Variants in YEATS2 observed in about 807,000 individuals in gnomAD.
YEATS2 encodes YEATS domain containing 2, also known as YEATS domain-containing protein 2.
A neutral mutation model predicts 163.2 loss-of-function variants in YEATS2; 77 were observed. That is an observed-to-expected ratio of 0.47 (90% CI 0.39 to 0.57). The LOEUF is 0.57. Ranked by LOEUF, YEATS2 falls within the 20% of genes least tolerant of loss-of-function variation. The probability of loss-of-function intolerance (pLI) is 0.00; values close to 1 mark genes in which losing one functional copy is unlikely to be tolerated. For missense variants in YEATS2, 1,549 were observed against 1,729.8 expected (o/e 0.90, Z 1.85); for synonymous variants, 631 against 645.1 (o/e 0.98, Z 0.33).
chr3:183,785,488 C>CAAAAAAAAAAAAAAAAAAAAAAAAAAA (rs146941322), intron 19 of YEATS2, among the ~76,000 whole-genome samples: 1 of 52,252 alleles, frequency 1.9e-5, no homozygotes. Flanking sequence ...GACTCTGTCT[C>CAAAAAAAAAAAAAAAAAAAAAAAAAAA]AAAAAAAAAA....
At position 183,763,064 on chromosome 3, in the gene YEATS2, T is replaced by G. The variant is rs560454724; in HGVS notation, c.1947+785T>G. 3.7e-3 allele frequency among the ~76,000 whole-genome samples: 265 copies of G among 72,446 alleles called. 3 individuals are homozygous for G. The Admixed American group carries it at 0.041, about 11-fold the overall frequency. The allele number at this position is 72,446 out of a possible 152,430, so 47.5% of individuals were successfully genotyped here. A position where few individuals can be genotyped will look rare whatever the true frequency, so the allele number is the denominator to read the frequency against. On this transcript the variant is annotated intron_variant, in intron 15 of 30. Coordinates refer to ENST00000305135, the MANE Select transcript of YEATS2 (RefSeq NM_018023.5). Reference sequence around the variant, plus strand: ...AGACTCTGTCTCAAAAAAATAAAAATTAAAAAATTAAAAAAAAAAATAGCA... The same window carrying G: ...AGACTCTGTCTCAAAAAAATAAAAAGTAAAAAATTAAAAAAAAAAATAGCA...
In YEATS2 at chr3:183,729,470, G is replaced by A. The variant is rs985567819; in HGVS notation, c.812+619G>A. Among the ~76,000 whole-genome samples, 13 of 152,226 alleles carry A rather than the reference G, an allele frequency of 8.5e-5. No homozygotes were observed. In the East Asian group the frequency reaches 1.9e-3, roughly 23 times the overall value. The stretch of plus-strand genomic sequence containing the variant: ...TTTTTATGAATATCAGAATGTAACA[G>A]AATTAAATATAGTATTCTAACATGG... On this transcript the variant is annotated intron_variant, in intron 7 of 30. Transcript: ENST00000305135.
intron 8 of YEATS2, among the ~76,000 whole-genome samples, chr3:183,738,852 G>A (rs1404256260): frequency 7.4e-6 from 1 of 135,506 alleles, no homozygotes; most frequent in Non-Finnish European, 1.6e-5. Flanking sequence ...GAATAATGCC[G>A]CAATAAACAT....
intron 15 of YEATS2, among the ~76,000 whole-genome samples, chr3:183,770,787 C>G (rs1213126745): frequency 6.6e-6 from 1 of 152,156 alleles, no homozygotes; most frequent in Non-Finnish European, 1.5e-5. Context: ...TCCCTTTTCG[C>G]TTTCTTATTT....
At chr3:183,755,741 C>CT (rs57050296) in intron 11 of YEATS2, among the ~76,000 whole-genome samples, 1,817 of 81,916 alleles carry the variant, frequency 0.022, 140 homozygotes, top group Non-Finnish European at 0.025. Context: ...TCCTTCCTTT[C>CT]TTTTTTTTTT....
chr3:183,773,930 G>C, intron 17 of YEATS2, 136 bp downstream of exon 17: 1 of 1,094,214 alleles, frequency 9.1e-7, no homozygotes, highest in South Asian at 2.1e-5. Flanking sequence ...GGTAGCATTT[G>C]CTCAGATGGA....
rs536161457 is a variant in YEATS2, at chr3:183,740,328, A to G, written c.924+3499A>G. 1.3e-3 allele frequency among the ~76,000 whole-genome samples: 193 copies of G among 152,316 alleles called. 2 individuals carry two copies. The highest frequency in any genetic ancestry group is 4.5e-3 in the African/African-American group (187 of 41,564). ...AGACACTTCTCAAAAGAAGACATTT[A>G]TGCAGCCAAAAAACACATGAAAAAA... On this transcript the variant is annotated intron_variant, in intron 8 of 30. Transcript: ENST00000305135.
At chr3:183,705,912 C>T (rs1003159124) in intron 1 of YEATS2, among the ~76,000 whole-genome samples, 4 of 151,764 alleles carry the variant, frequency 2.6e-5, no homozygotes, top group Non-Finnish European at 5.9e-5. Flanking sequence ...TGGTGGCGGG[C>T]GCCTGTAGTC....
At chr3:183,772,897 A>C (rs983556059) in intron 16 of YEATS2, among the ~76,000 whole-genome samples, 1 of 152,138 alleles carries the variant, frequency 6.6e-6, no homozygotes. Flanking sequence ...CCTGTGTAAA[A>C]TGCTGTACTG....
chr3:183,782,967 T>G (rs1338679105), intron 19 of YEATS2, among the ~76,000 whole-genome samples: 1 of 152,258 alleles, frequency 6.6e-6, no homozygotes, highest in Non-Finnish European at 1.5e-5. Flanking sequence ...AAGTCTGATT[T>G]GCTCTACATC....
rs148923658 is a variant in YEATS2 at position 183,810,431 on chromosome 3, G to A, written c.4161-44G>A. On this transcript the variant is annotated intron_variant, in intron 30 of 30. Transcript: ENST00000305135. ...TAAGTGAATAAATGATGAGATATAC[G>A]TGAGAGAATTTCACCTGGTAACACC... 1.1e-4 allele frequency: 173 copies of A among 1,524,500 alleles called. 1 individual carries two copies. The African/African-American group carries it at 1.7e-3, about 15-fold the overall frequency. The allele number at this position is 1,524,500 out of a possible 1,614,324, so 94.4% of individuals were successfully genotyped here. A position where few individuals can be genotyped will look rare whatever the true frequency, so the allele number is the denominator to read the frequency against.
intron 12 of YEATS2, 61 bp from the exon 13 acceptor site, chr3:183,758,801 T>C: frequency 8.4e-7 from 1 of 1,194,784 alleles, no homozygotes; most frequent in South Asian, 1.4e-5. Context: ...GTAGAAATGC[T>C]TTAAAATTAC....
chr3:183,708,695 C>T (rs895417079), intron 1 of YEATS2, among the ~76,000 whole-genome samples: 5 of 151,838 alleles, frequency 3.3e-5, no homozygotes, highest in African/African-American at 1.2e-4. Context: ...GTGAGACCCC[C>T]GTCTCTTTAA....
chr3:183,748,550 C>A (rs181261446), intron 9 of YEATS2, among the ~76,000 whole-genome samples: 1 of 152,238 alleles, frequency 6.6e-6, no homozygotes, highest in East Asian at 1.9e-4. Flanking sequence ...GGATTACAGG[C>A]GTGAGCCACC....
Position 183,704,193 on chromosome 3 carries a change from G to T in YEATS2, c.-20+6200G>T, listed in dbSNP as rs544255203. On this transcript the variant is annotated intron_variant, in intron 1 of 30. Transcript: ENST00000305135. ...TTCCTAAAGCTTCAACAGTAGACTT[G>T]TGTAGTACAAATCCCCTTCGTTCTA... 3.3e-5 allele frequency among the ~76,000 whole-genome samples: 5 copies of T among 150,438 alleles called. No individual in the cohort carries two copies. In the South Asian group the frequency reaches 6.3e-4, roughly 19 times the overall value.
intron 4 of YEATS2, 95 bp downstream of exon 4, chr3:183,718,687 T>G (rs1716165620): frequency 9.7e-7 from 1 of 1,036,102 alleles, no homozygotes; most frequent in Admixed American, 3.1e-5. Context: ...TCTGAAACAT[T>G]TCTTTCTGTT....
chr3:183,763,648 T>C (rs1300599060), intron 15 of YEATS2, among the ~76,000 whole-genome samples: 7 of 152,198 alleles, frequency 4.6e-5, no homozygotes, highest in Non-Finnish European at 8.8e-5. Context: ...AAGTCAGGCC[T>C]GCTAACTCCA....
Position 183,769,508 on chromosome 3 carries a change from A to G in YEATS2, c.1948-2797A>G, listed in dbSNP as rs114235853. Among the ~76,000 whole-genome samples, 1,416 of 152,296 alleles carry G rather than the reference A, an allele frequency of 9.3e-3. 17 individuals carry two copies. Among genetic ancestry groups the G allele is most frequent in the African/African-American group, 0.032 (1,333 of 41,546 alleles). The stretch of plus-strand genomic sequence containing the variant: ...CATTTTGCTTCATGATTCGGAGGGT[A>G]AATGTTACCCATATTTTATAGATGA... On this transcript the variant is annotated intron_variant, in intron 15 of 30. Transcript: ENST00000305135.
At chr3:183,754,425 A>G (rs1720505717) in intron 11 of YEATS2, 60 bp downstream of exon 11, 1 of 1,535,814 alleles carries the variant, frequency 6.5e-7, no homozygotes. Flanking sequence ...AATTGTTGGA[A>G]CAACAAAACA....
Sources: gnomAD v4.1 joint callset for allele counts (sites outside exome capture counted in the v4.1 genomes callset) on GRCh38, gnomAD v4.1.1 for gene constraint, MANE v1.5 for transcripts, NCBI Gene and HGNC (gene_info 2026-07-23, HGNC 2026-07-21) for gene names.